Variants in NFIA observed in about 807,000 individuals in gnomAD.
NFIA encodes nuclear factor 1 A-type.
NFIA carries 8 observed loss-of-function variants against 62.8 expected under a neutral mutation model. That is an observed-to-expected ratio of 0.13 (90% CI 0.07 to 0.23). NFIA has a LOEUF of 0.23. NFIA is among the 10% of genes least tolerant of loss of function. NFIA has a pLI of 1.00. For missense variants in NFIA, 410 were observed against 642.1 expected, an observed-to-expected ratio of 0.64 and a Z score of 3.91; for synonymous variants, 235 against 238.1, an observed-to-expected ratio of 0.99 and a Z score of 0.12.
At chr1:61,153,683 A>G (rs1003704287) in intron 2 of NFIA, among the ~76,000 whole-genome samples, 5 of 152,256 alleles carry the variant, frequency 3.3e-5, no homozygotes, top group African/African-American at 1.2e-4. Flanking sequence ...GATATATGAA[A>G]AATAGTTCCG....
intron 6 of NFIA, among the ~76,000 whole-genome samples, chr1:61,377,534 A>G (rs1400273100): frequency 1.3e-5 from 2 of 152,202 alleles, no homozygotes; most frequent in Non-Finnish European, 2.9e-5. Context: ...GTCATGAACA[A>G]TTAAACTTGT....
chr1:61,423,809 C>A (rs547065600), intron 9 of NFIA, among the ~76,000 whole-genome samples: 69 of 152,264 alleles, frequency 4.5e-4, no homozygotes, highest in African/African-American at 1.7e-3. Flanking sequence ...TTATAGGTAA[C>A]TGCCCTGCTA....
intron 2 of NFIA, among the ~76,000 whole-genome samples, chr1:61,166,228 A>G (rs1263104843): frequency 2.0e-5 from 3 of 152,226 alleles, no homozygotes; most frequent in African/African-American, 7.2e-5. Context: ...ATATCTACCT[A>G]TAATGTGAGA....
chr1:61,133,046 T>G (rs890962869), intron 2 of NFIA: 2 of 152,268 alleles, frequency 1.3e-5, no homozygotes, highest in Non-Finnish European at 2.9e-5. Context: ...ATGTGCATTC[T>G]TTAAGATCCT....
intron 2 of NFIA, among the ~76,000 whole-genome samples, chr1:61,117,238 C>T (rs1452599052): frequency 3.9e-5 from 6 of 152,062 alleles, no homozygotes; most frequent in South Asian, 2.1e-4. Flanking sequence ...CTTATAGGCC[C>T]GATTCTCTAG....
chr1:61,406,974 T>C (rs1161085712), intron 9 of NFIA, among the ~76,000 whole-genome samples: 1 of 152,182 alleles, frequency 6.6e-6, no homozygotes, highest in Non-Finnish European at 1.5e-5. Flanking sequence ...TGAAGTCAAG[T>C]TATGAGCTAT....
At chr1:61,391,148 C>T (rs1664955131) in intron 7 of NFIA, among the ~76,000 whole-genome samples, 1 of 152,096 alleles carries the variant, frequency 6.6e-6, no homozygotes. Flanking sequence ...GCAGCCTCGA[C>T]CTCCTAGGCT....
intron 6 of NFIA, among the ~76,000 whole-genome samples, chr1:61,379,036 C>A (rs1557743119): frequency 6.6e-6 from 1 of 152,160 alleles, no homozygotes; most frequent in East Asian, 1.9e-4. Context: ...GATTGGGGAC[C>A]TTAATTATAT....
At chr1:61,109,115 G>A (rs1231965677) in intron 2 of NFIA, among the ~76,000 whole-genome samples, 2 of 151,712 alleles carry the variant, frequency 1.3e-5, no homozygotes. Context: ...GTTTGCATGG[G>A]TTTACTTTTT....
chr1:61,136,173 G>A (rs1242406420), intron 2 of NFIA, among the ~76,000 whole-genome samples: 4 of 152,138 alleles, frequency 2.6e-5, no homozygotes, highest in African/African-American at 9.7e-5. Context: ...TACTGAGGTT[G>A]GATTCACCGT....
intron 2 of NFIA, among the ~76,000 whole-genome samples, chr1:61,256,386 A>G (rs1482019249): frequency 1.3e-5 from 2 of 151,114 alleles, no homozygotes; most frequent in African/African-American, 4.9e-5. Context: ...CAGTGAGCCA[A>G]GATCGCACCT....
At chr1:61,383,479 T>TC in intron 7 of NFIA, 114 bp downstream of exon 7, 2 of 1,304,400 alleles carry the variant, frequency 1.5e-6, no homozygotes, top group Non-Finnish European at 2.1e-6. Context: ...CAGTGAGTGT[T>TC]CCAATTTCTT....
At chr1:61,095,940 A>G (rs1557561493) in intron 2 of NFIA, among the ~76,000 whole-genome samples, 1 of 151,940 alleles carries the variant, frequency 6.6e-6, no homozygotes, top group Admixed American at 6.6e-5. Flanking sequence ...TACATTACAT[A>G]TATTTTTATA....
At chr1:61,120,536 G>A (rs1182195792) in intron 2 of NFIA, among the ~76,000 whole-genome samples, 4 of 152,162 alleles carry the variant, frequency 2.6e-5, no homozygotes, top group African/African-American at 2.4e-5. Context: ...GACCGTGACA[G>A]TTTTCAGTCA....
At chr1:61,366,345 A>G (rs1373809493) in intron 6 of NFIA, among the ~76,000 whole-genome samples, 3 of 152,200 alleles carry the variant, frequency 2.0e-5, no homozygotes, top group South Asian at 2.1e-4. Context: ...AGTACTTTTC[A>G]GTGAAGTTCA....
intron 10 of NFIA, among the ~76,000 whole-genome samples, chr1:61,438,995 G>GCACA (rs1667455618): frequency 1.1e-5 from 1 of 87,256 alleles, no homozygotes; most frequent in Non-Finnish European, 2.4e-5. Context: ...TAACATGCAT[G>GCACA]CAGACACACA....
chr1:61,381,760 A>G (rs555359597), intron 6 of NFIA, among the ~76,000 whole-genome samples: 1 of 152,334 alleles, frequency 6.6e-6, no homozygotes, highest in South Asian at 2.1e-4. Context: ...GGTCTTGGAC[A>G]TAGAGGGGAA....
intron 9 of NFIA, among the ~76,000 whole-genome samples, chr1:61,409,831 A>G (rs1012254254): frequency 6.6e-6 from 1 of 152,214 alleles, no homozygotes; most frequent in Admixed American, 6.5e-5. Context: ...GTGGGGTGGT[A>G]GGGACTAGTC....
intron 3 of NFIA, among the ~76,000 whole-genome samples, chr1:61,322,657 C>T (rs986650505): frequency 9.2e-5 from 14 of 152,118 alleles, no homozygotes; most frequent in African/African-American, 3.4e-4. Context: ...CTATCAACCA[C>T]GTATATGTGT....
Sources: allele counts gnomAD v4.1 joint callset (sites outside exome capture counted in the v4.1 genomes callset), GRCh38; gene constraint gnomAD v4.1.1; transcripts MANE v1.5; gene names NCBI Gene and HGNC (gene_info 2026-07-23, HGNC 2026-07-21).